GPC6: variants seen among roughly 807,000 people sequenced by gnomAD.
GPC6 encodes glypican-6.
GPC6 carries 14 observed loss-of-function variants against 55.2 expected under a neutral mutation model. The ratio of observed to expected loss-of-function variants is 0.25; its 90% CI spans 0.17 to 0.40. The LOEUF (loss-of-function observed/expected upper bound fraction) is 0.40. Among genes scored for constraint, GPC6 ranks in the 10% least tolerant of loss-of-function variants. The pLI is 1.00. For missense variants in GPC6, 641 were observed against 708.5 expected, an observed-to-expected ratio of 0.90 and a Z score of 1.08; for synonymous variants, 278 against 259.6, an observed-to-expected ratio of 1.07 and a Z score of -0.68.
intron 6 of GPC6, among the ~76,000 whole-genome samples, chr13:94,336,934 T>G (rs953399410): frequency 2.6e-5 from 4 of 152,294 alleles, no homozygotes; most frequent in African/African-American, 9.6e-5. Context: ...TCTAGGAGGT[T>G]CTTTTGAATT....
chr13:93,675,915 A>G (rs1881567784), intron 2 of GPC6, among the ~76,000 whole-genome samples: 1 of 151,772 alleles, frequency 6.6e-6, no homozygotes, highest in African/African-American at 2.4e-5. Flanking sequence ...TTTTATTACT[A>G]TACAATTTCA....
chr13:94,129,158 A>G (rs1303460349), intron 4 of GPC6, among the ~76,000 whole-genome samples: 1 of 152,144 alleles, frequency 6.6e-6, no homozygotes, highest in Non-Finnish European at 1.5e-5. Flanking sequence ...TGCTGTAGTT[A>G]CTCAGTATTT....
intron 4 of GPC6, among the ~76,000 whole-genome samples, chr13:94,274,551 T>C (rs1280380342): frequency 6.6e-6 from 1 of 152,150 alleles, no homozygotes; most frequent in Non-Finnish European, 1.5e-5. Context: ...TCTTTTTGTA[T>C]GAACCTAAAC....
intron 1 of GPC6, among the ~76,000 whole-genome samples, chr13:93,367,188 C>G (rs1881281358): frequency 1.3e-5 from 2 of 152,018 alleles, no homozygotes; most frequent in South Asian, 4.1e-4. Flanking sequence ...AAGAGCTTAC[C>G]TTACAAAATA....
chr13:93,470,583 T>A (rs1879075409), intron 1 of GPC6, among the ~76,000 whole-genome samples: 1 of 152,150 alleles, frequency 6.6e-6, no homozygotes, highest in African/African-American at 2.4e-5. Context: ...TAGTTTACTT[T>A]TTTGTTCTTG....
intron 2 of GPC6, among the ~76,000 whole-genome samples, chr13:93,787,651 T>C (rs1566535534): frequency 2.0e-5 from 3 of 152,248 alleles, no homozygotes; most frequent in Admixed American, 1.3e-4. Flanking sequence ...TCCATCACCT[T>C]AAATATTTAT....
At chr13:93,904,178 C>T (rs925965530) in intron 3 of GPC6, among the ~76,000 whole-genome samples, 51 of 152,122 alleles carry the variant, frequency 3.4e-4, no homozygotes, top group African/African-American at 1.2e-3. Flanking sequence ...GTCACCACGT[C>T]TGGCAGATTA....
chr13:93,365,924 T>G (rs900645070), intron 1 of GPC6, among the ~76,000 whole-genome samples: 2 of 152,146 alleles, frequency 1.3e-5, no homozygotes, highest in African/African-American at 2.4e-5. Flanking sequence ...GAATAAAATA[T>G]TAGCAGAAAA....
At chr13:93,539,694 C>CTT (rs11455046) in intron 1 of GPC6, among the ~76,000 whole-genome samples, 21,694 of 144,834 alleles carry the variant, frequency 0.15, 1,771 homozygotes, top group East Asian at 0.3. Context: ...GTGCTTGGTA[C>CTT]TTTTTTTTTT....
rs115114423 is a variant in GPC6 at position 93,789,234 on chromosome 13, A to G, written c.320-40920A>G. ...GGATATCAAGTAGCCAGTTGGCTCT[A>G]AGAATACAGGTTAGAAAATGAGTCA... On this transcript the variant is annotated intron_variant, in intron 2 of 8. Transcript: ENST00000377047. Among the ~76,000 whole-genome samples, 789 of 152,166 alleles carry G rather than the reference A, an allele frequency of 5.2e-3. 8 individuals are homozygous for G. The highest frequency in any genetic ancestry group is 0.018 in the African/African-American group (755 of 41,524).
chr13:94,130,749 G>GAGTCC (rs1212138387), intron 4 of GPC6, among the ~76,000 whole-genome samples: 5 of 152,088 alleles, frequency 3.3e-5, no homozygotes, highest in Non-Finnish European at 7.4e-5. Flanking sequence ...GCTTTATTAA[G>GAGTCC]AGTCCTCATA....
chr13:93,802,404 CTTT>C (rs35117038), intron 2 of GPC6, among the ~76,000 whole-genome samples: 14 of 148,018 alleles, frequency 9.5e-5, no homozygotes, highest in African/African-American at 1.2e-4. Context: ...AAAAAAAGTA[CTTT>C]TTTTTTTTTT....
intron 6 of GPC6, among the ~76,000 whole-genome samples, chr13:94,372,692 C>G (rs1441250747): frequency 7.2e-5 from 11 of 151,746 alleles, no homozygotes; most frequent in Non-Finnish European, 1.6e-4. Context: ...CCTGGAAGCT[C>G]GAACTGGGTG....
intron 3 of GPC6, among the ~76,000 whole-genome samples, chr13:93,841,570 A>G (rs190205731): frequency 1.3e-5 from 2 of 152,300 alleles, no homozygotes; most frequent in African/African-American, 4.8e-5. Context: ...AATAACCAAG[A>G]GTGAAAATGG....
intron 1 of GPC6, among the ~76,000 whole-genome samples, chr13:93,371,203 G>A (rs964613643): frequency 2.6e-5 from 4 of 151,956 alleles, no homozygotes; most frequent in African/African-American, 4.8e-5. Context: ...TTAATGATTC[G>A]GGAAATATTT....
At position 93,393,363 on chromosome 13, in the gene GPC6, C is replaced by A. The variant is rs1875721385; in HGVS notation, c.161-151900C>A. 3.3e-5 allele frequency among the ~76,000 whole-genome samples: 5 copies of A among 151,988 alleles called. 1 individual carries two copies. The highest frequency in any genetic ancestry group is 3.3e-4 in the Admixed American group (5 of 15,248). On this transcript the variant is annotated intron_variant, in intron 1 of 8. Transcript: ENST00000377047. The stretch of plus-strand genomic sequence containing the variant: ...CCATGTTGGCCAGCCTAGTCTAGAA[C>A]TCCTGATCTCGTGATCGTGATCTGC...
intron 1 of GPC6, among the ~76,000 whole-genome samples, chr13:93,436,746 G>A (rs1406757403): frequency 6.6e-6 from 1 of 152,124 alleles, no homozygotes; most frequent in East Asian, 1.9e-4. Context: ...ACAGATTAGT[G>A]TAATACTGTA....
In GPC6 at chr13:93,723,088, A is replaced by G. The variant is rs185923632; in HGVS notation, c.320-107066A>G. 3.3e-3 allele frequency among the ~76,000 whole-genome samples: 499 copies of G among 152,126 alleles called. 3 individuals carry two copies. The highest frequency in any genetic ancestry group is 3.4e-3 in the Middle Eastern group (1 of 294). On this transcript the variant is annotated intron_variant, in intron 2 of 8. Transcript: ENST00000377047. ...CCCATAACATACATTTCTATTTGAC[A>G]ACATTTAGCTCAATGGCAATAATCT...
intron 1 of GPC6, among the ~76,000 whole-genome samples, chr13:93,541,479 A>G (rs1882296886): frequency 2.4e-5 from 2 of 81,658 alleles, no homozygotes; most frequent in Non-Finnish European, 4.8e-5. Context: ...TAGTGCCGCA[A>G]TAAACATACG....
Sources: gnomAD v4.1 joint callset for allele counts (sites outside exome capture counted in the v4.1 genomes callset) on GRCh38, gnomAD v4.1.1 for gene constraint, MANE v1.5 for transcripts, NCBI Gene and HGNC (gene_info 2026-07-23, HGNC 2026-07-21) for gene names.